Variants in MTMR6 observed in about 807,000 individuals in gnomAD.
MTMR6 encodes the protein myotubularin related protein 6, also known as phosphatidylinositol-3,5-bisphosphate 3-phosphatase MTMR6.
Under a neutral mutation model 80.1 loss-of-function variants are expected in MTMR6, and 47 were observed. The ratio of observed to expected loss-of-function variants is 0.59; its 90% CI spans 0.46 to 0.75. MTMR6 has a LOEUF of 0.75. Ranked by LOEUF, MTMR6 falls within the 30% of genes least tolerant of loss-of-function variation. The pLI is 0.00. For missense variants in MTMR6, 629 were observed against 730.9 expected (o/e 0.86, Z 1.61); for synonymous variants, 254 against 253.0 (o/e 1.00, Z -0.04).
chr13:25,275,844 A>G (rs1228891748), intron 1 of MTMR6, among the ~76,000 whole-genome samples: 2 of 131,660 alleles, frequency 1.5e-5, no homozygotes, highest in Admixed American at 1.6e-4. Context: ...CTGGGCAACA[A>G]GAGCGAAACT....
chr13:25,271,777 C>T (rs1196121037), intron 2 of MTMR6, among the ~76,000 whole-genome samples: 1 of 152,056 alleles, frequency 6.6e-6, no homozygotes, highest in Non-Finnish European at 1.5e-5. Flanking sequence ...CTATTGTTTC[C>T]AAAATATCTA....
rs1957040527 is a variant in MTMR6, at chr13:25,249,434, T to C, written c.1664A>G (p.His555Arg). 1.9e-6 allele frequency: 3 copies of C among 1,613,976 alleles called. No individual in the cohort carries two copies. The highest frequency in any genetic ancestry group is 1.3e-5 in the African/African-American group (1 of 74,942). Residue 555 changes from histidine (H) to arginine (R), a missense_variant, in exon 14 of 14, where the codon CAT becomes CGT. By Grantham distance (29) the His-to-Arg change is conservative. Coordinates refer to ENST00000381801, the MANE Select transcript of MTMR6 (RefSeq NM_004685.5). ...GTTAGGTGATTCAGGATGAACTGAA[T>C]GTAACAATTCCTTGGTGAGGATGCC... is the stretch of plus-strand genomic sequence containing the variant. ...TDGILTKELL[H>R]SVHPESPNLK...
In MTMR6 at chr13:25,266,130, T is replaced by C; in HGVS notation, c.461A>G (p.Lys154Arg). The part of the protein sequence containing the change: ...WQLSDANRDY[K>R]ICETYPRELY... ...TTCTCCAAAATGTTGTTAAGGTACCTTGTAGTCCCGGTTGGCATCAGACAA... is the reference window on the plus strand; with the variant it reads ...TTCTCCAAAATGTTGTTAAGGTACCCTGTAGTCCCGGTTGGCATCAGACAA... Residue 154 changes from lysine (K) to arginine (R), a missense_variant and splice_region_variant, in exon 4 of 14, where the codon AAG becomes AGG. By Grantham distance (26) the Lys-to-Arg change is conservative. Coordinates refer to ENST00000381801, the MANE Select transcript of MTMR6 (RefSeq NM_004685.5). 6.2e-7 allele frequency: 1 copy of C among 1,613,732 alleles called. No individual in the cohort carries two copies. The highest frequency in any genetic ancestry group is 8.5e-7 in the Non-Finnish European group (1 of 1,179,894).
At chr13:25,283,257 A>G (rs1429983426) in intron 1 of MTMR6, among the ~76,000 whole-genome samples, 2 of 151,926 alleles carry the variant, frequency 1.3e-5, no homozygotes, top group Non-Finnish European at 2.9e-5. Context: ...TCAAGTTCCC[A>G]CCTCCACCTC....
chr13:25,275,012 T>G (rs1392934533), intron 1 of MTMR6, among the ~76,000 whole-genome samples: 1 of 39,876 alleles, frequency 2.5e-5, no homozygotes, highest in Non-Finnish European at 9.0e-5. Flanking sequence ...ACACACTATG[T>G]TGCTGCTGGC....
intron 1 of MTMR6, among the ~76,000 whole-genome samples, chr13:25,279,250 T>C (rs899636825): frequency 2.6e-5 from 4 of 152,172 alleles, no homozygotes; most frequent in African/African-American, 4.8e-5. Flanking sequence ...CCCCATGCTG[T>C]TCTCTCTTCA....
intron 5 of MTMR6, among the ~76,000 whole-genome samples, chr13:25,262,287 G>C (rs1272689465): frequency 6.6e-6 from 1 of 152,180 alleles, no homozygotes; most frequent in East Asian, 1.9e-4. Flanking sequence ...ATTCAAATTT[G>C]AGTTAAAATA....
intron 2 of MTMR6, among the ~76,000 whole-genome samples, chr13:25,271,102 T>TC (rs1342450845): frequency 1.3e-5 from 2 of 151,986 alleles, no homozygotes; most frequent in Admixed American, 6.6e-5. Context: ...CTGCCATTCC[T>TC]CCCCCCCTTC....
Position 25,258,563 on chromosome 13 carries a change from C to G in MTMR6, c.856G>C (p.Glu286Gln). Reference sequence around the variant, plus strand: ...AAAAAAGTAAGCAATAATATACCTTCCAATAATTTCTGAAGGCTGGACCTC... The same window carrying G: ...AAAAAAGTAAGCAATAATATACCTTGCAATAATTTCTGAAGGCTGGACCTC... Reference protein sequence around the residue: ...VMRSSLQKLLEVNGTKGLSVN... With the variant: ...VMRSSLQKLLQVNGTKGLSVN... Residue 286 changes from glutamate to glutamine, a missense_variant, in exon 7 of 14, where the codon GAA (glutamate) becomes CAA (glutamine). Glu to Gln is a conservative substitution (Grantham distance 29). Coordinates refer to ENST00000381801, the MANE Select transcript of MTMR6 (RefSeq NM_004685.5). The G allele has an allele frequency of 6.3e-7, 1 of 1,588,002 alleles. No homozygotes were observed. The highest frequency in any genetic ancestry group is 8.5e-7 in the Non-Finnish European group (1 of 1,172,618).
At position 25,251,523 on chromosome 13, in the gene MTMR6, A is replaced by G; in HGVS notation, c.1605+126T>C. On this transcript the variant is annotated intron_variant, in intron 13 of 13. Coordinates refer to ENST00000381801, the MANE Select transcript of MTMR6 (RefSeq NM_004685.5). The surrounding 1 kb of genome is among the most constrained non-coding windows in gnomAD (Gnocchi z 4.1). ...AACGTATTCAATCAAAGTAGGGATG[A>G]CCTGATTTTGAAGAAACTGCTTACT... The G allele has an allele frequency of 1.3e-6, 1 of 797,014 alleles. No homozygotes were observed. The highest frequency in any genetic ancestry group is 2.0e-6 in the Non-Finnish European group (1 of 512,084). 49.4% of individuals were successfully genotyped at this position (797,014 alleles called of 1,614,324 possible).
At chr13:25,282,913 C>T (rs976745464) in intron 1 of MTMR6, among the ~76,000 whole-genome samples, 6 of 151,900 alleles carry the variant, frequency 3.9e-5, no homozygotes. Context: ...GCCTGCTTGT[C>T]CCTTTTTAAG....
chr13:25,273,601 C>T (rs1335071845), intron 2 of MTMR6, among the ~76,000 whole-genome samples: 1 of 150,916 alleles, frequency 6.6e-6, no homozygotes, highest in African/African-American at 2.4e-5. Flanking sequence ...TCTCGGCTCA[C>T]TGCAACCTCC....
chr13:25,251,590 T>C lies in MTMR6; in HGVS notation c.1605+59A>G. The C allele has an allele frequency of 7.4e-7, 1 of 1,351,820 alleles. No individual in the cohort carries two copies. The highest frequency in any genetic ancestry group is 1.0e-6 in the Non-Finnish European group (1 of 982,128). The allele number at this position is 1,351,820 out of a possible 1,614,324, so 83.7% of individuals were successfully genotyped here. On this transcript the variant is annotated intron_variant, in intron 13 of 13. Transcript: ENST00000381801. The surrounding 1 kb of genome is among the most constrained non-coding windows in gnomAD (Gnocchi z 4.1). ...TGATTTACACCAACAATACAAATAT[T>C]AGTCTAATCGTAAACTAATTTCACA...
intron 5 of MTMR6, 37 bp from the exon 6 acceptor site, chr13:25,261,839 A>T (rs537453990): frequency 6.4e-7 from 1 of 1,561,194 alleles, no homozygotes; most frequent in Admixed American, 1.9e-5. Flanking sequence ...TTATGCAAAG[A>T]TCTCTAAAAT....
chr13:25,264,618 G>C (rs1391701867), intron 5 of MTMR6, among the ~76,000 whole-genome samples: 1 of 151,826 alleles, frequency 6.6e-6, no homozygotes, highest in Non-Finnish European at 1.5e-5. Flanking sequence ...GGCTGGGCAT[G>C]GTGGCAGGCG....
intron 11 of MTMR6, among the ~76,000 whole-genome samples, chr13:25,252,700 G>A (rs1187142310): frequency 6.6e-6 from 1 of 151,100 alleles, no homozygotes; most frequent in Non-Finnish European, 1.5e-5. Flanking sequence ...CACTAATTAA[G>A]AATAGTTTTT....
intron 1 of MTMR6, among the ~76,000 whole-genome samples, chr13:25,277,263 C>T (rs1431228313): frequency 2.0e-5 from 3 of 152,146 alleles, no homozygotes; most frequent in Non-Finnish European, 4.4e-5. Flanking sequence ...ATTTTTATCA[C>T]CTAAATATTT....
At chr13:25,277,950 T>C (rs540508789) in intron 1 of MTMR6, among the ~76,000 whole-genome samples, 1 of 152,342 alleles carries the variant, frequency 6.6e-6, no homozygotes, top group African/African-American at 2.4e-5. Context: ...GAAATTCTCT[T>C]TGTTAGATCT....
chr13:25,271,128 C>G (rs899847365), intron 2 of MTMR6, among the ~76,000 whole-genome samples: 14 of 152,044 alleles, frequency 9.2e-5, no homozygotes, highest in African/African-American at 3.1e-4. Context: ...TTGCAACATC[C>G]TTTTCCCTCA....
Sources: allele counts gnomAD v4.1 joint callset (sites outside exome capture counted in the v4.1 genomes callset), GRCh38; gene constraint gnomAD v4.1.1; non-coding constraint Gnocchi (gnomAD v3.1); transcripts MANE v1.5; gene names NCBI Gene and HGNC (gene_info 2026-07-23, HGNC 2026-07-21).